The following MTSS1 variants were observed in gnomAD, a reference collection of about 807,000 sequenced individuals.
MTSS1 encodes MTSS I-BAR domain containing 1, also known as protein MTSS 1.
A neutral mutation model predicts 79.0 loss-of-function variants in MTSS1; 18 were observed. The observed-to-expected ratio is 0.23, with a 90% CI of 0.16 to 0.34. MTSS1 has a LOEUF of 0.34. Ranked by LOEUF, MTSS1 falls within the 10% of genes least tolerant of loss-of-function variation. The probability of loss-of-function intolerance (pLI) is 1.00; values close to 1 mark genes in which losing one functional copy is unlikely to be tolerated. For missense variants in MTSS1, 815 were observed against 986.2 expected (o/e 0.83, Z 2.33); for synonymous variants, 341 against 368.6 (o/e 0.93, Z 0.86).
intron 3 of MTSS1, among the ~76,000 whole-genome samples, chr8:124,631,352 T>C (rs1402240554): frequency 6.6e-6 from 1 of 152,138 alleles, no homozygotes; most frequent in African/African-American, 2.4e-5. Context: ...CAACCTGATT[T>C]CACAAGACAT....
At chr8:124,580,484 C>T in intron 6 of MTSS1, 1 of 1,521,352 alleles carries the variant, frequency 6.6e-7, no homozygotes, top group Non-Finnish European at 8.8e-7. Context: ...GTCTGGACAA[C>T]CACGGAAAGC....
chr8:124,628,558 G>A (rs1337174233), intron 3 of MTSS1, among the ~76,000 whole-genome samples: 1 of 152,198 alleles, frequency 6.6e-6, no homozygotes, highest in Non-Finnish European at 1.5e-5. Context: ...AGGGGCAGAA[G>A]AAAATGATGG....
chr8:124,579,348 G>A lies in MTSS1; in HGVS notation c.460+5739C>T, dbSNP rs548926554. Among the ~76,000 whole-genome samples the A allele has an allele frequency of 4.6e-5, 7 of 152,300 alleles. No individual in the cohort carries two copies. In the East Asian group the frequency reaches 1.2e-3, roughly 25 times the overall value. On this transcript the variant is annotated intron_variant, in intron 6 of 13. Coordinates refer to ENST00000518547, the MANE Select transcript of MTSS1 (RefSeq NM_014751.6). The stretch of plus-strand genomic sequence containing the variant: ...CAGATGAGTGGTTGTCAGGGTCAGC[G>A]TGGGTGGGGAGACTGTGAAACAGGG...
intron 10 of MTSS1, chr8:124,558,105 C>T: frequency 4.3e-6 from 2 of 460,050 alleles, no homozygotes; most frequent in South Asian, 8.0e-5. Context: ...TATGTTTGAC[C>T]TACGTTTTAG....
intron 3 of MTSS1, among the ~76,000 whole-genome samples, chr8:124,661,779 T>C (rs1319971880): frequency 6.6e-6 from 1 of 152,230 alleles, no homozygotes; most frequent in African/African-American, 2.4e-5. Context: ...CAACTCACCA[T>C]AGCTGCGACA....
At chr8:124,711,098 A>T (rs1327390936) in intron 1 of MTSS1, among the ~76,000 whole-genome samples, 1 of 152,238 alleles carries the variant, frequency 6.6e-6, no homozygotes, top group Non-Finnish European at 1.5e-5. Flanking sequence ...CATCACTGTC[A>T]TCACCATCAT....
At chr8:124,663,002 G>T (rs1320672958) in intron 3 of MTSS1, among the ~76,000 whole-genome samples, 1 of 152,102 alleles carries the variant, frequency 6.6e-6, no homozygotes, top group African/African-American at 2.4e-5. Flanking sequence ...CTCTCCTTTA[G>T]CCAGGTGAGA....
intron 1 of MTSS1, among the ~76,000 whole-genome samples, chr8:124,724,712 C>T (rs192794427): frequency 1.6e-3 from 246 of 152,218 alleles, no homozygotes; most frequent in African/African-American, 5.7e-3. Context: ...AAATCGATGC[C>T]GGTTCAATGA....
chr8:124,550,854 A>G lies in MTSS1; in HGVS notation c.*2138T>C, dbSNP rs1399169843. The G allele has an allele frequency of 6.6e-6, 1 of 152,656 alleles. No individual in the cohort carries two copies. The highest frequency in any genetic ancestry group is 1.5e-5 in the Non-Finnish European group (1 of 68,038). The allele number at this position is 152,656 out of a possible 1,614,324, so 9.5% of individuals were successfully genotyped here. On this transcript the variant is annotated 3_prime_UTR_variant, in exon 14 of 14. Transcript: ENST00000518547. ...TTGTTACAATGTAGGAGGGAGACACATTACACAATTGTTATTTATACAAGT... is the reference window on the plus strand; with the variant it reads ...TTGTTACAATGTAGGAGGGAGACACGTTACACAATTGTTATTTATACAAGT...
rs942404088 is a variant in MTSS1 at position 124,553,871 on chromosome 8, A to G, written c.1568-179T>C. 6.6e-6 allele frequency among the ~76,000 whole-genome samples: 1 copy of G among 152,110 alleles called. No individual in the cohort carries two copies. The highest frequency in any genetic ancestry group is 2.4e-5 in the African/African-American group (1 of 41,418). On this transcript the variant is annotated intron_variant, in intron 13 of 13. Coordinates refer to ENST00000518547, the MANE Select transcript of MTSS1 (RefSeq NM_014751.6). This position sits in a 1 kb window ranked among gnomAD's most constrained non-coding sequence, Gnocchi z 6.0. Reference sequence around the variant, plus strand: ...ACCAACTAAGAACTCCGTGGCAGGGATCTTTGCTTTGTTCACTGATGTGTC... The same window carrying G: ...ACCAACTAAGAACTCCGTGGCAGGGGTCTTTGCTTTGTTCACTGATGTGTC...
rs923073317 is a variant in MTSS1 at position 124,721,298 on chromosome 8, C to CA, written c.72+6585dup. ...ACGTATTTAACAATTTCCATCATCG[C>CA]AAAAAAAAAAATCACAACGGACAGA... On this transcript the variant is annotated intron_variant, in intron 1 of 13. Transcript: ENST00000518547. Among the ~76,000 whole-genome samples, 775 of 140,064 alleles carry CA rather than the reference C, an allele frequency of 5.5e-3. 4 individuals carry two copies. The highest frequency in any genetic ancestry group is 0.017 in the African/African-American group (661 of 38,128). The allele number at this position is 140,064 out of a possible 152,430, so 91.9% of individuals were successfully genotyped here. A position where few individuals can be genotyped will look rare whatever the true frequency, so the allele number is the denominator to read the frequency against.
In MTSS1 at chr8:124,623,627, TTTTG is replaced by T. The variant is rs34585373; in HGVS notation, c.209-32396_209-32393del. Among the ~76,000 whole-genome samples the T allele has an allele frequency of 5.3e-4, 81 of 152,140 alleles. 1 individual carries two copies. Among genetic ancestry groups the T allele is most frequent in the African/African-American group, 1.7e-3 (72 of 41,498 alleles). ...AAACACTGAAGGATCTTCTGTGTTTTTTTGTTTGTTTGTTTGTTTGTTTTGAGAC... is the reference window on the plus strand; with the variant it reads ...AAACACTGAAGGATCTTCTGTGTTTTTTTGTTTGTTTGTTTGTTTTGAGAC... On this transcript the variant is annotated intron_variant, in intron 3 of 13. Coordinates refer to ENST00000518547, the MANE Select transcript of MTSS1 (RefSeq NM_014751.6).
In MTSS1 at chr8:124,557,865, C is replaced by T; in HGVS notation, c.1046G>A (p.Gly349Glu). ...ACTTGATAAACTATAGTGAGAAAAC[C>T]CGTTAGACAACTGGAAACAAACAAA... ...PPEAPNQLSNGFSHYSLSSES... is the reference protein window; with the variant it reads ...PPEAPNQLSNEFSHYSLSSES... Residue 349 changes from glycine (G) to glutamate (E), a missense_variant, in exon 11 of 14, where the codon GGG (glycine) becomes GAG (glutamate). Gly to Glu is a moderately conservative substitution (Grantham distance 98). This residue lies in a region of MTSS1 where 590 missense variants were observed against 620.8 expected (regional missense o/e 0.95). Coordinates refer to ENST00000518547, the MANE Select transcript of MTSS1 (RefSeq NM_014751.6). The T allele has an allele frequency of 6.3e-7, 1 of 1,591,306 alleles. No individual in the cohort carries two copies. Among genetic ancestry groups the T allele is most frequent in the South Asian group, 1.1e-5 (1 of 87,382 alleles).
chr8:124,567,952 C>G (rs1383345287), intron 7 of MTSS1: 6 of 1,382,186 alleles, frequency 4.3e-6, no homozygotes, highest in Non-Finnish European at 5.6e-6. Context: ...TCATGGTCAC[C>G]CCTTAGTACT....
In MTSS1 at chr8:124,685,517, G is replaced by A. The variant is rs1013369129; in HGVS notation, c.208+14009C>T. Among the ~76,000 whole-genome samples the A allele has an allele frequency of 9.2e-5, 14 of 152,186 alleles. No homozygotes were observed. The South Asian group carries it at 1.7e-3, about 18-fold the overall frequency. ...CCTAAGCCCCTCAAGGAGGAAAGGC[G>A]TCCTGGAGGAGAGACCGCCTGAGAT... On this transcript the variant is annotated intron_variant, in intron 3 of 13. Transcript: ENST00000518547.
intron 3 of MTSS1, among the ~76,000 whole-genome samples, chr8:124,690,640 GC>G (rs1444352837): frequency 9.9e-5 from 15 of 152,158 alleles, no homozygotes; most frequent in African/African-American, 3.4e-4. Context: ...ATAATAAAAG[GC>G]CACTTGTCAA....
chr8:124,567,740 G>C (rs555187092), intron 7 of MTSS1: 6 of 1,522,568 alleles, frequency 3.9e-6, no homozygotes, highest in Non-Finnish European at 5.3e-6. Flanking sequence ...ACCACGGGCC[G>C]GGCTAGAACG....
intron 3 of MTSS1, among the ~76,000 whole-genome samples, chr8:124,663,095 C>T (rs1822380873): frequency 6.6e-6 from 1 of 152,210 alleles, no homozygotes. Flanking sequence ...AGCTGCCTGG[C>T]TGGGTTCTGG....
At chr8:124,652,794 CAAA>C (rs773654376) in intron 3 of MTSS1, among the ~76,000 whole-genome samples, 1 of 74,494 alleles carries the variant, frequency 1.3e-5, no homozygotes, top group Admixed American at 1.5e-4. Context: ...GACTCCGTCT[CAAA>C]AAAAAAAAAA....
Sources: gnomAD v4.1 joint callset for allele counts (sites outside exome capture counted in the v4.1 genomes callset) on GRCh38, gnomAD v4.1.1 for gene constraint, gnomAD v4.1.1 regional missense constraint, Gnocchi (gnomAD v3.1) non-coding constraint, MANE v1.5 for transcripts, NCBI Gene and HGNC (gene_info 2026-07-23, HGNC 2026-07-21) for gene names.